NEDD4L: variants seen among roughly 807,000 people sequenced by gnomAD.
NEDD4L encodes NEDD4 like E3 ubiquitin protein ligase.
In NEDD4L, 54 loss-of-function variants were observed where a neutral mutation model predicts 148.9. The ratio of observed to expected loss-of-function variants is 0.36; its 90% CI spans 0.29 to 0.45. The LOEUF is 0.45. Ranked by LOEUF, NEDD4L falls within the 20% of genes least tolerant of loss-of-function variation. The probability of loss-of-function intolerance (pLI) is 1.00; values close to 1 mark genes in which losing one functional copy is unlikely to be tolerated. For missense variants in NEDD4L, 856 were observed against 1,233.8 expected, an observed-to-expected ratio of 0.69 and a Z score of 4.59; for synonymous variants, 433 against 440.7, an observed-to-expected ratio of 0.98 and a Z score of 0.22.
Position 58,256,631 on chromosome 18 carries a change from G to C in NEDD4L, c.297+4577G>C. Reference sequence around the variant, plus strand: ...CGCGGAGAGGACTCCGCAGGGCCAGGGGTGCACATTTAAGATCAGGCAGGA... The same window carrying C: ...CGCGGAGAGGACTCCGCAGGGCCAGCGGTGCACATTTAAGATCAGGCAGGA... On this transcript the variant is annotated intron_variant, in intron 5 of 30. Coordinates refer to ENST00000400345, the MANE Select transcript of NEDD4L (RefSeq NM_001144967.3). The surrounding 1 kb of genome is among the most constrained non-coding windows in gnomAD (Gnocchi z 5.2). 1 of 1,232,244 alleles carries C rather than the reference G, an allele frequency of 8.1e-7. No individual in the cohort carries two copies. Among genetic ancestry groups the C allele is most frequent in the East Asian group, 3.2e-5 (1 of 31,686 alleles). The allele number at this position is 1,232,244 out of a possible 1,614,324, so 76.3% of individuals were successfully genotyped here. A position where few individuals can be genotyped will look rare whatever the true frequency, so the allele number is the denominator to read the frequency against.
chr18:58,217,456 T>C (rs2043271228), intron 2 of NEDD4L, among the ~76,000 whole-genome samples: 1 of 152,222 alleles, frequency 6.6e-6, no homozygotes, highest in African/African-American at 2.4e-5. Flanking sequence ...TAGTACATTC[T>C]TAGCAGTTTG....
chr18:58,335,548 A>G lies in NEDD4L; in HGVS notation c.1125+11A>G, dbSNP rs758218195. The G allele has an allele frequency of 1.1e-5, 17 of 1,604,868 alleles. 1 individual carries two copies. In the South Asian group the frequency reaches 1.8e-4, roughly 17 times the overall value. ...GGTGAGGAACCAACGGTAATGATCC[A>G]CTTTATCAGACATCAATAGCAAGAG... On this transcript the variant is annotated intron_variant, in intron 13 of 30. Coordinates refer to ENST00000400345, the MANE Select transcript of NEDD4L (RefSeq NM_001144967.3).
At chr18:58,113,014 G>A (rs2085515405) in intron 1 of NEDD4L, among the ~76,000 whole-genome samples, 1 of 152,206 alleles carries the variant, frequency 6.6e-6, no homozygotes, top group East Asian at 1.9e-4. Context: ...CAAAGAACGT[G>A]CTTTCTGTGA....
chr18:58,239,120 G>A (rs1224177344), intron 2 of NEDD4L, among the ~76,000 whole-genome samples: 1 of 152,188 alleles, frequency 6.6e-6, no homozygotes, highest in Non-Finnish European at 1.5e-5. Context: ...CTTTCTGTGG[G>A]TTAGCTAAAT....
intron 2 of NEDD4L, among the ~76,000 whole-genome samples, chr18:58,222,177 G>T (rs9807396): frequency 0.05 from 7,612 of 152,250 alleles, 604 homozygotes; most frequent in African/African-American, 0.17. Flanking sequence ...GAGGAGGAAA[G>T]AATTGTGTTT....
chr18:58,101,305 C>G (rs963234200), intron 1 of NEDD4L, among the ~76,000 whole-genome samples: 2 of 152,156 alleles, frequency 1.3e-5, no homozygotes, highest in Non-Finnish European at 2.9e-5. Flanking sequence ...GAGCATCACT[C>G]CTGGCATATT....
At chr18:58,384,224 A>C (rs942535495) in intron 25 of NEDD4L, among the ~76,000 whole-genome samples, 1 of 152,206 alleles carries the variant, frequency 6.6e-6, no homozygotes, top group African/African-American at 2.4e-5. Flanking sequence ...AGAAAAACCT[A>C]CTGTCCTTCC....
At chr18:58,348,851 G>A (rs1568800049) in intron 16 of NEDD4L, among the ~76,000 whole-genome samples, 1 of 152,108 alleles carries the variant, frequency 6.6e-6, no homozygotes, top group East Asian at 1.9e-4. Context: ...TTGATTCTCT[G>A]TGGTATCTTA....
intron 5 of NEDD4L, among the ~76,000 whole-genome samples, chr18:58,273,367 G>T (rs932419048): frequency 1.3e-5 from 2 of 152,142 alleles, no homozygotes; most frequent in African/African-American, 4.8e-5. Flanking sequence ...ACAAAGACTA[G>T]TATGTAACAT....
At chr18:58,254,560 C>CAAAAA (rs71173040) in intron 5 of NEDD4L, among the ~76,000 whole-genome samples, 14 of 111,950 alleles carry the variant, frequency 1.3e-4, no homozygotes, top group East Asian at 2.7e-4. Flanking sequence ...AAATTATTAC[C>CAAAAA]AAAAAAAAAA....
At chr18:58,047,386 C>T in intron 1 of NEDD4L, 1 of 985,084 alleles carries the variant, frequency 1.0e-6, no homozygotes, top group Non-Finnish European at 1.2e-6. Flanking sequence ...CTCATAAAGA[C>T]TGTTGAGCTC....
intron 1 of NEDD4L, among the ~76,000 whole-genome samples, chr18:58,100,972 A>C (rs2084718143): frequency 6.6e-6 from 1 of 151,972 alleles, no homozygotes; most frequent in Non-Finnish European, 1.5e-5. Context: ...TGTCTGGCTA[A>C]TTTTTGTATT....
At chr18:58,178,108 C>T (rs1200999235) in intron 2 of NEDD4L, among the ~76,000 whole-genome samples, 3 of 152,168 alleles carry the variant, frequency 2.0e-5, no homozygotes, top group Admixed American at 2.0e-4. Context: ...GGGCTGCAGT[C>T]TGCCAACCTC....
Position 58,288,700 on chromosome 18 carries a change from C to CT in NEDD4L, c.298-27273dup, listed in dbSNP as rs1245747450. ...CAATAGTGCCATTGAGGTCTGTTGC[C>CT]TTTTTTTTTCTTTGAGGTGCTAAGT... On this transcript the variant is annotated intron_variant, in intron 5 of 30. Transcript: ENST00000400345. Among the ~76,000 whole-genome samples, 5 of 151,316 alleles carry CT rather than the reference C, an allele frequency of 3.3e-5. No individual in the cohort carries two copies. The East Asian group carries it at 7.7e-4, about 23-fold the overall frequency.
At chr18:58,133,136 G>T (rs1179645583) in intron 1 of NEDD4L, among the ~76,000 whole-genome samples, 3 of 152,228 alleles carry the variant, frequency 2.0e-5, no homozygotes, top group Non-Finnish European at 4.4e-5. Context: ...ATGTGTAACA[G>T]CTGGGAATTG....
At chr18:58,319,280 CATT>C (rs1027014692) in intron 6 of NEDD4L, among the ~76,000 whole-genome samples, 9 of 152,182 alleles carry the variant, frequency 5.9e-5, no homozygotes, top group African/African-American at 1.9e-4. Flanking sequence ...TCTCCAGCAT[CATT>C]GTGAGCCTGT....
intron 2 of NEDD4L, among the ~76,000 whole-genome samples, chr18:58,223,311 G>GGAC (rs2043975804): frequency 2.0e-5 from 3 of 152,040 alleles, no homozygotes; most frequent in Admixed American, 2.0e-4. Context: ...GACACATTTG[G>GGAC]GACATTTTCT....
At chr18:58,325,618 A>T (rs994715729) in intron 9 of NEDD4L, among the ~76,000 whole-genome samples, 9 of 152,064 alleles carry the variant, frequency 5.9e-5, no homozygotes, top group South Asian at 2.1e-4. Flanking sequence ...AACCTCAAAA[A>T]TTTTTTTTTC....
intron 2 of NEDD4L, among the ~76,000 whole-genome samples, chr18:58,179,922 C>A (rs113196921): frequency 2.6e-5 from 4 of 152,208 alleles, no homozygotes; most frequent in Non-Finnish European, 5.9e-5. Context: ...ACTCCTCCAA[C>A]CCCCAAACCA....
Sources: allele counts gnomAD v4.1 joint callset (sites outside exome capture counted in the v4.1 genomes callset), GRCh38; gene constraint gnomAD v4.1.1; non-coding constraint Gnocchi (gnomAD v3.1); transcripts MANE v1.5; gene names NCBI Gene and HGNC (gene_info 2026-07-23, HGNC 2026-07-21).